The following PCDHA6 variants were observed in gnomAD, a reference collection of about 807,000 sequenced individuals.
PCDHA6 encodes the protein protocadherin alpha 6.
In PCDHA6, 55 loss-of-function variants were observed where a neutral mutation model predicts 60.3. That is an observed-to-expected ratio of 0.91 (90% CI 0.73 to 1.14). The LOEUF (loss-of-function observed/expected upper bound fraction) is 1.14, where lower values mean the gene tolerates loss of function less well. PCDHA6 is among the 50% of genes most tolerant of loss of function. The probability of loss-of-function intolerance (pLI) is 0.00; values close to 1 mark genes in which losing one functional copy is unlikely to be tolerated. For missense variants in PCDHA6, 1,327 were observed against 1,256.5 expected, an observed-to-expected ratio of 1.06 and a Z score of -0.85; for synonymous variants, 652 against 557.9, an observed-to-expected ratio of 1.17 and a Z score of -2.38.
At chr5:140,977,356 TA>T (rs2096758024) in intron 1 of PCDHA6, among the ~76,000 whole-genome samples, 1 of 152,250 alleles carries the variant, frequency 6.6e-6, no homozygotes, top group South Asian at 2.1e-4. Flanking sequence ...GACTGATTGA[TA>T]AAAAGTATTT....
chr5:140,939,701 T>C (rs782486336), intron 1 of PCDHA6, among the ~76,000 whole-genome samples: 2 of 152,210 alleles, frequency 1.3e-5, no homozygotes, highest in Non-Finnish European at 2.9e-5. Context: ...GACATTATCA[T>C]TTGTGAGATA....
At chr5:141,005,529 C>A (rs1387576846) in intron 3 of PCDHA6, among the ~76,000 whole-genome samples, 2 of 151,154 alleles carry the variant, frequency 1.3e-5, no homozygotes, top group Non-Finnish European at 2.9e-5. Context: ...CGGTGAAACC[C>A]CGTCTCTACT....
rs1554145927 is a variant in PCDHA6, at chr5:140,852,587, T to TA, written c.2394+22102_2394+22103insA. ...CACTGTGCCAAGGCTTTTTTATTTT[T>TA]TTTTTTTGTCATTTTCTTTCAAAAC... On this transcript the variant is annotated intron_variant, in intron 1 of 3. Coordinates refer to ENST00000529310, the MANE Select transcript of PCDHA6 (RefSeq NM_018909.4). 484 of 881,862 alleles carry TA rather than the reference T, an allele frequency of 5.5e-4. 26 individuals are homozygous for TA. Among genetic ancestry groups the TA allele is most frequent in the African/African-American group, 4.5e-3 (245 of 54,698 alleles). 54.6% of individuals were successfully genotyped at this position (881,862 alleles called of 1,614,324 possible). A position where few individuals can be genotyped will look rare whatever the true frequency, so the allele number is the denominator to read the frequency against.
At chr5:140,898,797 C>T (rs1210404780) in intron 1 of PCDHA6, among the ~76,000 whole-genome samples, 7 of 152,160 alleles carry the variant, frequency 4.6e-5, no homozygotes, top group East Asian at 1.9e-4. Context: ...GCCATTTTCA[C>T]GATACTGATT....
In PCDHA6 at chr5:140,828,221, T is replaced by C; in HGVS notation, c.130T>C (p.Phe44Leu). ...SVPEEAKHGT[F>L]VGRIAQDLGL... ...ACCCGAGGAGGCCAAACACGGCACC[T>C]TCGTGGGCCGGATCGCGCAGGACCT... Residue 44 changes from phenylalanine (F) to leucine (L), a missense_variant, in exon 1 of 4, where the codon TTC (phenylalanine) becomes CTC (leucine). Transcript: ENST00000529310. 2 of 1,614,030 alleles carry C rather than the reference T, an allele frequency of 1.2e-6. No homozygotes were observed. Among genetic ancestry groups the C allele is most frequent in the Non-Finnish European group, 1.7e-6 (2 of 1,180,048 alleles).
At chr5:140,842,923 G>C in intron 1 of PCDHA6, 1 of 1,594,642 alleles carries the variant, frequency 6.3e-7, no homozygotes, top group Non-Finnish European at 8.6e-7. Context: ...TGCAGTTCCA[G>C]GTGAGCGCGC....
At chr5:140,830,591 CA>C (rs1263490069) in intron 1 of PCDHA6, 106 bp downstream of exon 1, 1 of 718,270 alleles carries the variant, frequency 1.4e-6, no homozygotes, top group Non-Finnish European at 2.0e-6. Flanking sequence ...ATTAATTTTA[CA>C]AAATTACATA....
intron 1 of PCDHA6, chr5:140,871,711 T>C (rs1554165833): frequency 1.2e-6 from 1 of 815,266 alleles, no homozygotes; most frequent in Middle Eastern, 3.7e-4. Flanking sequence ...ATAAATGTCC[T>C]ATTTCTCTTA....
At chr5:140,884,498 G>C in intron 1 of PCDHA6, 5 of 1,614,076 alleles carry the variant, frequency 3.1e-6, no homozygotes, top group Non-Finnish European at 4.2e-6. Context: ...GTGCTCCAGC[G>C]CGGCAGGGAG....
chr5:140,861,565 T>C (rs1191527978), intron 1 of PCDHA6: 2 of 376,886 alleles, frequency 5.3e-6, no homozygotes, highest in South Asian at 4.9e-5. Flanking sequence ...GTGGACAAGC[T>C]GCTACAGGTT....
At chr5:141,000,385 CTCTCTCTCTCTATA>C (rs1173975015) in intron 3 of PCDHA6, among the ~76,000 whole-genome samples, 30 of 64,968 alleles carry the variant, frequency 4.6e-4, no homozygotes, top group African/African-American at 1.8e-3. Context: ...CTCTCTCTCT[CTCTCTCTCTCTATA>C]TATATATATA....
chr5:140,873,436 A>G (rs1159512158), intron 1 of PCDHA6, among the ~76,000 whole-genome samples: 1 of 152,214 alleles, frequency 6.6e-6, no homozygotes, highest in Non-Finnish European at 1.5e-5. Flanking sequence ...TTTATATCAC[A>G]TAAATAACAA....
At chr5:140,856,026 T>C in intron 1 of PCDHA6, 1 of 1,559,058 alleles carries the variant, frequency 6.4e-7, no homozygotes, top group Non-Finnish European at 8.7e-7. Context: ...ATTCGTCGAT[T>C]TGTAAAACAA....
chr5:140,836,479 A>T (rs2150261822), intron 1 of PCDHA6: 2 of 1,613,682 alleles, frequency 1.2e-6, no homozygotes, highest in South Asian at 2.2e-5. Flanking sequence ...GTCAACGTGT[A>T]CCTGATCATC....
chr5:140,830,663 G>T (rs114741049), intron 1 of PCDHA6, 178 bp downstream of exon 1: 3 of 406,220 alleles, frequency 7.4e-6, no homozygotes, highest in Non-Finnish European at 1.2e-5. Context: ...CATAATTTAA[G>T]TGAAATTAGA....
chr5:140,850,123 C>A (rs2150468826), intron 1 of PCDHA6: 9 of 1,595,920 alleles, frequency 5.6e-6, no homozygotes, highest in African/African-American at 2.7e-5. Context: ...GCGGGCGTGC[C>A]GCCTCTGGGC....
intron 1 of PCDHA6, among the ~76,000 whole-genome samples, chr5:140,897,650 C>T (rs1293190913): frequency 3.3e-5 from 5 of 152,036 alleles, no homozygotes; most frequent in Non-Finnish European, 7.4e-5. Context: ...AATAAACATA[C>T]GTGTGCATGT....
intron 1 of PCDHA6, among the ~76,000 whole-genome samples, chr5:140,886,964 A>T (rs2061244320): frequency 6.6e-6 from 1 of 152,114 alleles, no homozygotes; most frequent in Admixed American, 6.5e-5. Context: ...TTAGCAACGA[A>T]ATTTATTATT....
chr5:140,961,135 A>T (rs1554225235), intron 1 of PCDHA6, among the ~76,000 whole-genome samples: 2 of 152,186 alleles, frequency 1.3e-5, no homozygotes, highest in African/African-American at 4.8e-5. Flanking sequence ...TTGGCACTTA[A>T]GAGTTGGCAT....
Sources: allele counts gnomAD v4.1 joint callset (sites outside exome capture counted in the v4.1 genomes callset), GRCh38; gene constraint gnomAD v4.1.1; transcripts MANE v1.5; gene names NCBI Gene and HGNC (gene_info 2026-07-23, HGNC 2026-07-21).